KDM2B: variants seen among roughly 807,000 people sequenced by gnomAD.
The protein encoded by KDM2B is lysine demethylase 2B.
Under a neutral mutation model 150.0 loss-of-function variants are expected in KDM2B, and 26 were observed. The ratio of observed to expected loss-of-function variants is 0.17; its 90% CI spans 0.13 to 0.24. The LOEUF (loss-of-function observed/expected upper bound fraction) is 0.24, where lower values mean the gene tolerates loss of function less well. Ranked by LOEUF, KDM2B falls within the 10% of genes least tolerant of loss-of-function variation. KDM2B has a pLI of 1.00. For synonymous variants in KDM2B, 734 were observed against 729.5 expected (o/e 1.01, Z -0.10); for missense variants, 1,265 against 1,816.9 (o/e 0.70, Z 5.52).
Position 121,494,394 on chromosome 12 carries a change from C to T in KDM2B, c.1734+185G>A. 5 of 551,148 alleles carry T rather than the reference C, an allele frequency of 9.1e-6. No individual in the cohort carries two copies. The South Asian group carries it at 1.1e-4, about 12-fold the overall frequency. 34.1% of individuals were successfully genotyped at this position (551,148 alleles called of 1,614,324 possible). Reference sequence around the variant, plus strand: ...GCGGCACTGTTCGCAGTTCCCACAGCTAGGTAAAGCAACCCCCTTTTAAAA... The same window carrying T: ...GCGGCACTGTTCGCAGTTCCCACAGTTAGGTAAAGCAACCCCCTTTTAAAA... On this transcript the variant is annotated intron_variant, in intron 12 of 22. Transcript: ENST00000377071.
Position 121,441,172 on chromosome 12 carries a change from G to A in KDM2B, c.3346C>T (p.Leu1116=), listed in dbSNP as rs782554982. 6.2e-7 allele frequency: 1 copy of A among 1,614,220 alleles called. No homozygotes were observed. Among genetic ancestry groups the A allele is most frequent in the South Asian group, 1.1e-5 (1 of 91,092 alleles). The change falls in exon 20 of 23, where the codon CTG becomes TTG. Residue 1116 remains leucine (L), a synonymous_variant. Transcript: ENST00000377071. ...DLNHCKSITP[L]MLSGIIRRQP... is the part of the protein sequence containing the mutation. The stretch of plus-strand genomic sequence containing the variant: ...CGCCGGATGATGCCACTCAGCATCA[G>A]GGGTGTGATAGACTTGCAGTGGTTC...
At chr12:121,576,315 G>A (rs1392554167) in intron 2 of KDM2B, among the ~76,000 whole-genome samples, 1 of 152,186 alleles carries the variant, frequency 6.6e-6, no homozygotes, top group Non-Finnish European at 1.5e-5. Flanking sequence ...GAGGCTGGGA[G>A]GAGGGCCCTC....
In KDM2B at chr12:121,467,129, C is replaced by T. The variant is rs1880117101; in HGVS notation, c.1735-13785G>A. The T allele has an allele frequency of 4.5e-6, 5 of 1,116,948 alleles. No individual in the cohort carries two copies. The highest frequency in any genetic ancestry group is 1.7e-5 in the South Asian group (1 of 58,218). The allele number at this position is 1,116,948 out of a possible 1,614,324, so 69.2% of individuals were successfully genotyped here. A position where few individuals can be genotyped will look rare whatever the true frequency, so the allele number is the denominator to read the frequency against. ...GGTCGGGAGGTCGTGCGGCGGGTCC[C>T]TCCCTCAGCCCCACCCCGGGCCGCC... On this transcript the variant is annotated intron_variant, in intron 12 of 22. Transcript: ENST00000377071. The surrounding 1 kb of genome is among the most constrained non-coding windows in gnomAD (Gnocchi z 5.1).
At chr12:121,490,290 T>C (rs1170138373) in intron 12 of KDM2B, among the ~76,000 whole-genome samples, 2 of 152,202 alleles carry the variant, frequency 1.3e-5, no homozygotes, top group Admixed American at 6.6e-5. Flanking sequence ...GAGGACTGTC[T>C]CCATGCCCCC....
the KDM2B span, among the ~76,000 whole-genome samples, chr12:121,413,038 C>G: frequency 6.8e-6 from 1 of 147,414 alleles, no homozygotes; most frequent in Non-Finnish European, 1.5e-5. Flanking sequence ...TTTCCTTCCT[C>G]TTTTCGAGGC....
chr12:121,554,706 C>T (rs1396908260), intron 4 of KDM2B, among the ~76,000 whole-genome samples: 3 of 152,138 alleles, frequency 2.0e-5, no homozygotes, highest in South Asian at 4.1e-4. Flanking sequence ...CCACCGCACC[C>T]GGCCTGTAAC....
chr12:121,546,772 C>T (rs1555310766), intron 6 of KDM2B, among the ~76,000 whole-genome samples: 1 of 150,456 alleles, frequency 6.6e-6, no homozygotes, highest in African/African-American at 2.5e-5. Context: ...GTGATGCCAT[C>T]TCGGCTCACT....
intron 9 of KDM2B, chr12:121,516,631 G>C (rs1886220684): frequency 1.2e-6 from 1 of 835,674 alleles, no homozygotes; most frequent in Non-Finnish European, 1.8e-6. Flanking sequence ...GCAGTCACAA[G>C]GCATGCAATG....
intron 1 of KDM2B, chr12:121,579,735 CCA>C: frequency 2.0e-6 from 3 of 1,466,880 alleles, no homozygotes; most frequent in Non-Finnish European, 2.7e-6. Context: ...CCTCAGCCCC[CCA>C]GATTCCGGGC....
chr12:121,581,279 TAG>T (rs782022581), upstream of KDM2B: 36 of 191,658 alleles, frequency 1.9e-4, no homozygotes, highest in South Asian at 4.2e-3. Flanking sequence ...CCCTTGTTGG[TAG>T]TTTATAGAAG....
intron 17 of KDM2B, 144 bp from the exon 18 acceptor site, chr12:121,443,174 T>A (rs1424724710): frequency 2.7e-6 from 2 of 738,914 alleles, no homozygotes; most frequent in Non-Finnish European, 4.6e-6. Context: ...TCTCCACGTC[T>A]GACCGACAGA....
At chr12:121,560,699 G>C (rs1283520096) in intron 4 of KDM2B, among the ~76,000 whole-genome samples, 1 of 152,172 alleles carries the variant, frequency 6.6e-6, no homozygotes, top group African/African-American at 2.4e-5. Flanking sequence ...TGAGCTGAGA[G>C]ATGAAGAATG....
In KDM2B at chr12:121,533,745, C is replaced by T. The variant is rs1887852840; in HGVS notation, c.777+752G>A. On this transcript the variant is annotated intron_variant, in intron 7 of 22. Coordinates refer to ENST00000377071, the MANE Select transcript of KDM2B (RefSeq NM_032590.5). The surrounding 1 kb of genome is among the most constrained non-coding windows in gnomAD (Gnocchi z 4.1). ...AGACTGGGTGAGTGGAGCAGGCCTG[C>T]ATGGGTGACTAGATGCGATGTAAAA... 6.6e-6 allele frequency among the ~76,000 whole-genome samples: 1 copy of T among 152,168 alleles called. No homozygotes were observed. Among genetic ancestry groups the T allele is most frequent in the South Asian group, 2.1e-4 (1 of 4,834 alleles).
intron 4 of KDM2B, among the ~76,000 whole-genome samples, chr12:121,565,124 C>T (rs782039944): frequency 6.6e-6 from 1 of 152,042 alleles, no homozygotes; most frequent in Non-Finnish European, 1.5e-5. Context: ...TAAGCCACCA[C>T]GCCCGGCCTG....
Position 121,449,630 on chromosome 12 carries a change from C to T in KDM2B, c.1959+3490G>A, listed in dbSNP as rs183834545. On this transcript the variant is annotated intron_variant, in intron 13 of 22. Transcript: ENST00000377071. ...ATAATGCCAAAGAGAAAAAGACAGT[C>T]GCGGGTTCATTACTGGCACACATTG... Among the ~76,000 whole-genome samples the T allele has an allele frequency of 2.0e-3, 302 of 152,256 alleles. 3 individuals are homozygous for T. Among genetic ancestry groups the T allele is most frequent in the African/African-American group, 6.9e-3 (288 of 41,546 alleles).
chr12:121,561,218 T>C (rs1253639243), intron 4 of KDM2B, among the ~76,000 whole-genome samples: 2 of 152,190 alleles, frequency 1.3e-5, no homozygotes, highest in African/African-American at 4.8e-5. Flanking sequence ...GAAAGTCATC[T>C]TGAAGGCTAA....
chr12:121,448,274 C>A (rs1593776848), intron 13 of KDM2B, among the ~76,000 whole-genome samples: 1 of 133,204 alleles, frequency 7.5e-6, no homozygotes, highest in East Asian at 2.3e-4. Flanking sequence ...GAGCCACGAG[C>A]ACACCACTGC....
the KDM2B span, among the ~76,000 whole-genome samples, chr12:121,422,728 CTT>C: frequency 6.6e-6 from 1 of 152,086 alleles, no homozygotes; most frequent in Non-Finnish European, 1.5e-5. Flanking sequence ...CTGGGGTTAA[CTT>C]TTTTTTAACT....
chr12:121,467,138 C>T lies in KDM2B; in HGVS notation c.1735-13794G>A. 1 of 1,121,532 alleles carries T rather than the reference C, an allele frequency of 8.9e-7. No homozygotes were observed. The allele number at this position is 1,121,532 out of a possible 1,614,324, so 69.5% of individuals were successfully genotyped here. ...GTCGTGCGGCGGGTCCCTCCCTCAGCCCCACCCCGGGCCGCCGACCTGGTC... is the reference window on the plus strand; with the variant it reads ...GTCGTGCGGCGGGTCCCTCCCTCAGTCCCACCCCGGGCCGCCGACCTGGTC... On this transcript the variant is annotated intron_variant, in intron 12 of 22. Transcript: ENST00000377071. This position sits in a 1 kb window ranked among gnomAD's most constrained non-coding sequence, Gnocchi z 5.1.
Sources: gnomAD v4.1 joint callset for allele counts (sites outside exome capture counted in the v4.1 genomes callset) on GRCh38, gnomAD v4.1.1 for gene constraint, Gnocchi (gnomAD v3.1) non-coding constraint, MANE v1.5 for transcripts, NCBI Gene and HGNC (gene_info 2026-07-23, HGNC 2026-07-21) for gene names.